Variants in AGBL4 observed in about 807,000 individuals in gnomAD.
AGBL4 encodes cytosolic carboxypeptidase 6.
A neutral mutation model predicts 66.4 loss-of-function variants in AGBL4; 58 were observed. That is an observed-to-expected ratio of 0.87 (90% CI 0.71 to 1.09). AGBL4 has a LOEUF of 1.09. AGBL4 is among the 50% of genes least tolerant of loss of function. The pLI, the probability that AGBL4 is intolerant of heterozygous loss-of-function variation, is 0.00. For missense variants in AGBL4, 579 were observed against 631.0 expected, an observed-to-expected ratio of 0.92 and a Z score of 0.88; for synonymous variants, 234 against 222.9, an observed-to-expected ratio of 1.05 and a Z score of -0.44.
intron 3 of AGBL4, among the ~76,000 whole-genome samples, chr1:49,568,676 C>T (rs909053122): frequency 1.3e-5 from 2 of 151,982 alleles, no homozygotes; most frequent in Non-Finnish European, 1.5e-5. Context: ...ATTCATATGG[C>T]ACCAAAAAAG....
At chr1:49,931,220 A>C (rs1331856387) in intron 1 of AGBL4, among the ~76,000 whole-genome samples, 1 of 152,196 alleles carries the variant, frequency 6.6e-6, no homozygotes, top group African/African-American at 2.4e-5. Context: ...CTATATTATA[A>C]ACTACAAAAT....
chr1:49,482,659 C>T (rs1646980519), intron 3 of AGBL4, among the ~76,000 whole-genome samples: 1 of 151,654 alleles, frequency 6.6e-6, no homozygotes, highest in Non-Finnish European at 1.5e-5. Flanking sequence ...ATTTCCTGTT[C>T]TCTGCTAGCT....
At chr1:49,982,546 G>C (rs1274592864) in intron 1 of AGBL4, among the ~76,000 whole-genome samples, 3 of 152,204 alleles carry the variant, frequency 2.0e-5, no homozygotes, top group Non-Finnish European at 4.4e-5. Flanking sequence ...AAGCAGAAAG[G>C]CTTGGGGCAG....
intron 4 of AGBL4, among the ~76,000 whole-genome samples, chr1:49,171,821 G>A (rs1432303894): frequency 6.6e-6 from 1 of 152,148 alleles, no homozygotes; most frequent in African/African-American, 2.4e-5. Flanking sequence ...TTATCAATAT[G>A]TTTTTCTATG....
chr1:49,241,949 C>T (rs1034123907), intron 4 of AGBL4, among the ~76,000 whole-genome samples: 3 of 151,842 alleles, frequency 2.0e-5, no homozygotes, highest in East Asian at 1.9e-4. Flanking sequence ...TTCTTCCACC[C>T]GGAATCCCAT....
At chr1:48,551,992 G>C (rs1057171591) in intron 11 of AGBL4, among the ~76,000 whole-genome samples, 87 of 152,256 alleles carry the variant, frequency 5.7e-4, no homozygotes, top group African/African-American at 2.0e-3. Flanking sequence ...ACCTTGGTGG[G>C]TATTTGGACT....
chr1:48,753,618 C>T (rs931376820), intron 6 of AGBL4, among the ~76,000 whole-genome samples: 1 of 152,160 alleles, frequency 6.6e-6, no homozygotes, highest in Non-Finnish European at 1.5e-5. Flanking sequence ...ATATGCAGGC[C>T]ACAATGGCTT....
intron 2 of AGBL4, among the ~76,000 whole-genome samples, chr1:49,775,963 T>C (rs550439471): frequency 6.6e-6 from 1 of 152,230 alleles, no homozygotes; most frequent in Admixed American, 6.5e-5. Flanking sequence ...TATGCATATA[T>C]TGAGCAAGTA....
At chr1:49,436,576 A>C (rs978210626) in intron 3 of AGBL4, among the ~76,000 whole-genome samples, 1 of 152,194 alleles carries the variant, frequency 6.6e-6, no homozygotes, top group African/African-American at 2.4e-5. Context: ...TTTCACACAA[A>C]TAAAATTCAA....
chr1:49,351,677 C>T (rs1334646647), intron 3 of AGBL4, among the ~76,000 whole-genome samples: 2 of 152,030 alleles, frequency 1.3e-5, no homozygotes, highest in Non-Finnish European at 2.9e-5. Context: ...TTTTTTGTTA[C>T]TCTCTATAAT....
chr1:48,604,694 G>A (rs112272073), intron 9 of AGBL4, among the ~76,000 whole-genome samples: 1,541 of 152,086 alleles, frequency 0.01, 20 homozygotes, highest in African/African-American at 0.036. Context: ...GGATACTGGC[G>A]GGCTTTTCTG....
chr1:48,876,019 C>T (rs1649186050), intron 5 of AGBL4, among the ~76,000 whole-genome samples: 1 of 152,182 alleles, frequency 6.6e-6, no homozygotes, highest in Non-Finnish European at 1.5e-5. Context: ...GGTGACACCA[C>T]ACACCTGGAG....
intron 2 of AGBL4, among the ~76,000 whole-genome samples, chr1:49,721,161 G>C (rs1325753778): frequency 2.0e-5 from 3 of 152,072 alleles, no homozygotes; most frequent in African/African-American, 7.2e-5. Context: ...AGTAGCCAAT[G>C]GCAGGGAGGA....
chr1:48,616,595 T>C (rs373262582), intron 9 of AGBL4, among the ~76,000 whole-genome samples: 79 of 152,270 alleles, frequency 5.2e-4, no homozygotes, highest in African/African-American at 1.8e-3. Context: ...TATTCCTCTT[T>C]TGAAAAAATG....
chr1:49,286,422 G>A (rs1281331534), intron 3 of AGBL4, among the ~76,000 whole-genome samples: 1 of 152,024 alleles, frequency 6.6e-6, no homozygotes, highest in Non-Finnish European at 1.5e-5. Context: ...AAGTCAAATT[G>A]TCCCTGTTTG....
intron 1 of AGBL4, among the ~76,000 whole-genome samples, chr1:49,941,203 T>C (rs993118208): frequency 6.6e-5 from 10 of 152,108 alleles, no homozygotes; most frequent in African/African-American, 2.4e-4. Flanking sequence ...AAGTCTCCCG[T>C]CAAAGAAAAG....
At chr1:48,716,657 C>T (rs571338925) in intron 6 of AGBL4, among the ~76,000 whole-genome samples, 5 of 152,250 alleles carry the variant, frequency 3.3e-5, no homozygotes, top group African/African-American at 1.2e-4. Flanking sequence ...TTTTATGTGT[C>T]CACAAGGGGT....
chr1:49,442,300 T>C (rs867858830), intron 3 of AGBL4, among the ~76,000 whole-genome samples: 59 of 152,116 alleles, frequency 3.9e-4, no homozygotes, highest in Middle Eastern at 3.4e-3. Flanking sequence ...AATACAATAA[T>C]AGAGGAAAGA....
intron 6 of AGBL4, among the ~76,000 whole-genome samples, chr1:48,839,533 T>C (rs1646753060): frequency 6.6e-6 from 1 of 152,060 alleles, no homozygotes; most frequent in Non-Finnish European, 1.5e-5. Flanking sequence ...ATTGATGTCC[T>C]GGAGGTAGTA....
Sources: allele counts gnomAD v4.1 joint callset (sites outside exome capture counted in the v4.1 genomes callset), GRCh38; gene constraint gnomAD v4.1.1; transcripts MANE v1.5; gene names NCBI Gene and HGNC (gene_info 2026-07-23, HGNC 2026-07-21).